The following DENND1B variants were observed in gnomAD, a reference collection of about 807,000 sequenced individuals.
DENND1B encodes the protein DENN domain-containing protein 1B.
DENND1B carries 59 observed loss-of-function variants against 90.1 expected under a neutral mutation model. That is an observed-to-expected ratio of 0.65 (90% CI 0.53 to 0.81). DENND1B has a LOEUF of 0.81. DENND1B is among the 40% of genes least tolerant of loss of function. DENND1B has a pLI of 0.00. For synonymous variants in DENND1B, 337 were observed against 324.6 expected (o/e 1.04, Z -0.41); for missense variants, 862 against 912.6 (o/e 0.94, Z 0.71).
At chr1:197,639,949 A>G (rs1000867264) in intron 10 of DENND1B, among the ~76,000 whole-genome samples, 1 of 152,180 alleles carries the variant, frequency 6.6e-6, no homozygotes, top group Non-Finnish European at 1.5e-5. Context: ...TATCAGCCCA[A>G]CGGTCCCAGA....
intron 14 of DENND1B, among the ~76,000 whole-genome samples, chr1:197,589,352 C>T (rs1674981199): frequency 6.6e-6 from 1 of 152,018 alleles, no homozygotes; most frequent in Admixed American, 6.6e-5. Flanking sequence ...AAGAAAGTGC[C>T]ATAAAACAAC....
chr1:197,622,978 AAATAGCAC>A (rs1435237462), intron 10 of DENND1B, among the ~76,000 whole-genome samples: 2 of 151,356 alleles, frequency 1.3e-5, no homozygotes, highest in East Asian at 3.9e-4. Flanking sequence ...CCACTATGAA[AAATAGCAC>A]AATTTTAACT....
chr1:197,695,499 A>G (rs1341886860), intron 3 of DENND1B, among the ~76,000 whole-genome samples: 4 of 151,048 alleles, frequency 2.6e-5, no homozygotes, highest in Non-Finnish European at 5.9e-5. Flanking sequence ...ATAAATTTTT[A>G]TTTAATTAAA....
chr1:197,592,108 C>CAAAAAAAAAAA (rs71286564), intron 14 of DENND1B, among the ~76,000 whole-genome samples: 1 of 55,818 alleles, frequency 1.8e-5, no homozygotes, highest in African/African-American at 8.3e-5. Context: ...GATTCCATCT[C>CAAAAAAAAAAA]AAAAAAAAAA....
chr1:197,545,285 A>G (rs1670724653), intron 18 of DENND1B, among the ~76,000 whole-genome samples: 1 of 152,012 alleles, frequency 6.6e-6, no homozygotes, highest in African/African-American at 2.4e-5. Context: ...GGTGCCTGTA[A>G]TCCCAGCTAC....
intron 12 of DENND1B, among the ~76,000 whole-genome samples, 174 bp from the exon 13 acceptor site, chr1:197,607,348 C>T (rs1676778653): frequency 6.6e-6 from 1 of 150,914 alleles, no homozygotes; most frequent in Non-Finnish European, 1.5e-5. Flanking sequence ...AGTCTGACTA[C>T]AACTCATACG....
intron 18 of DENND1B, among the ~76,000 whole-genome samples, chr1:197,544,792 A>G (rs866389621): frequency 2.4e-4 from 34 of 144,208 alleles, no homozygotes; most frequent in African/African-American, 7.0e-4. Flanking sequence ...AAGAAGAAGA[A>G]GAGGAGGAAG....
intron 2 of DENND1B, chr1:197,747,212 G>C: frequency 1.4e-6 from 1 of 701,416 alleles, no homozygotes; most frequent in Non-Finnish European, 2.6e-6. Flanking sequence ...TGCAATTCTT[G>C]AAATATATTC....
In DENND1B at chr1:197,642,770, G is replaced by A. The variant is rs1680379948; in HGVS notation, c.613C>T (p.Leu205=). The A allele has an allele frequency of 6.2e-7, 1 of 1,613,662 alleles. No homozygotes were observed. Among genetic ancestry groups the A allele is most frequent in the East Asian group, 2.2e-5 (1 of 44,848 alleles). The change falls in exon 10 of 23, where the codon CTG becomes TTG. Residue 205 remains leucine, a synonymous_variant. Coordinates refer to ENST00000620048, the MANE Select transcript of DENND1B (RefSeq NM_001195215.2). ...VAVDVNNMLQ[L]YASMLHERRI... ...CTTTCATGCAGCATACTGGCATACA[G>A]CTGCAGCATGTTGTTCACATCCACG...
intron 2 of DENND1B, among the ~76,000 whole-genome samples, chr1:197,749,119 G>A (rs2102402265): frequency 6.6e-6 from 1 of 151,884 alleles, no homozygotes; most frequent in Admixed American, 6.5e-5. Context: ...AAAAAATACT[G>A]AGAAAAATAA....
chr1:197,773,062 T>A, intron 1 of DENND1B, 130 bp from the exon 2 acceptor site: 2 of 756,578 alleles, frequency 2.6e-6, no homozygotes, highest in Non-Finnish European at 4.5e-6. Flanking sequence ...TACTACAGTA[T>A]AGTAGAAATA....
chr1:197,721,314 C>T (rs1661156105), intron 2 of DENND1B, among the ~76,000 whole-genome samples: 1 of 151,986 alleles, frequency 6.6e-6, no homozygotes, highest in South Asian at 2.1e-4. Context: ...CGTGATCCGC[C>T]TGCCTCGGCC....
rs529327215 is a variant in DENND1B at position 197,511,886 on chromosome 1, C to T, written c.1657G>A (p.Val553Ile). ...SAYLYESDDS[V>I]ETRVKTPYSG... The stretch of plus-strand genomic sequence containing the variant: ...TAAGGAGTCTTCACTCTTGTTTCAA[C>T]AGAGTCATCACTCTCATAGAGATAA... Residue 553 changes from valine (V) to isoleucine (I), a missense_variant, in exon 22 of 23, where the codon GTT (valine) becomes ATT (isoleucine). Val to Ile is a conservative substitution (Grantham distance 29, BLOSUM62 3). Transcript: ENST00000620048. The T allele has an allele frequency of 8.1e-6, 13 of 1,610,984 alleles. No homozygotes were observed. Among genetic ancestry groups the T allele is most frequent in the Non-Finnish European group, 1.1e-5 (13 of 1,178,098 alleles).
At chr1:197,777,261 A>G (rs969634399), upstream of DENND1B, among the ~76,000 whole-genome samples, 5 of 152,196 alleles carry the variant, frequency 3.3e-5, no homozygotes, top group Non-Finnish European at 7.4e-5. Flanking sequence ...TAATAATACA[A>G]TTGTTTTCCT....
chr1:197,685,057 G>A (rs551403238), intron 3 of DENND1B, among the ~76,000 whole-genome samples: 2 of 152,268 alleles, frequency 1.3e-5, no homozygotes, highest in South Asian at 4.1e-4. Flanking sequence ...GGCAGAGGTT[G>A]CAGTGAGCCG....
intron 10 of DENND1B, among the ~76,000 whole-genome samples, chr1:197,624,493 T>C (rs1678469157): frequency 6.6e-6 from 1 of 151,640 alleles, no homozygotes; most frequent in South Asian, 2.1e-4. Context: ...GGAGAAAATC[T>C]ACATGAACTA....
In DENND1B at chr1:197,507,005, T is replaced by C. The variant is rs1667760028; in HGVS notation, c.*3455A>G. 6.6e-6 allele frequency: 1 copy of C among 151,276 alleles called. No homozygotes were observed. Among genetic ancestry groups the C allele is most frequent in the Admixed American group, 6.6e-5 (1 of 15,124 alleles). 9.4% of individuals were successfully genotyped at this position (151,276 alleles called of 1,614,324 possible). A position where few individuals can be genotyped will look rare whatever the true frequency, so the allele number is the denominator to read the frequency against. ...TCTTAGCAGCATAATATACTTAGCATAATAATTGAGAAAGTTAATGAAATT... is the reference window on the plus strand; with the variant it reads ...TCTTAGCAGCATAATATACTTAGCACAATAATTGAGAAAGTTAATGAAATT... On this transcript the variant is annotated 3_prime_UTR_variant, in exon 23 of 23. Coordinates refer to ENST00000620048, the MANE Select transcript of DENND1B (RefSeq NM_001195215.2).
At chr1:197,745,856 T>C (rs1026490772) in intron 2 of DENND1B, among the ~76,000 whole-genome samples, 5 of 151,952 alleles carry the variant, frequency 3.3e-5, no homozygotes, top group Non-Finnish European at 7.4e-5. Flanking sequence ...CTTTCTTTAT[T>C]GTAACAGTTT....
chr1:197,754,024 TAAATA>T, intron 2 of DENND1B, among the ~76,000 whole-genome samples: 1 of 151,508 alleles, frequency 6.6e-6, no homozygotes, highest in Admixed American at 6.6e-5. Flanking sequence ...TAAAATAAAA[TAAATA>T]AAATAAATTC....
Sources: gnomAD v4.1 joint callset for allele counts (sites outside exome capture counted in the v4.1 genomes callset) on GRCh38, gnomAD v4.1.1 for gene constraint, MANE v1.5 for transcripts, NCBI Gene and HGNC (gene_info 2026-07-23, HGNC 2026-07-21) for gene names.